SYT3: variants seen among roughly 807,000 people sequenced by gnomAD.
The protein encoded by SYT3 is synaptotagmin-3.
SYT3 carries 25 observed loss-of-function variants against 50.6 expected under a neutral mutation model. That is an observed-to-expected ratio of 0.49 (90% CI 0.36 to 0.69). The LOEUF (loss-of-function observed/expected upper bound fraction) is 0.69. Among genes scored for constraint, SYT3 ranks in the 30% least tolerant of loss-of-function variants. SYT3 has a pLI of 0.00. For missense variants in SYT3, 589 were observed against 793.6 expected (o/e 0.74, Z 3.10); for synonymous variants, 323 against 353.9 (o/e 0.91, Z 0.98).
the SYT3 span, chr19:50,649,600 A>C: frequency 7.4e-7 from 1 of 1,358,870 alleles, no homozygotes. Context: ...GCCTTAAGCG[A>C]GTCACTGGCA....
chr19:50,653,961 G>A, the SYT3 span, among the ~76,000 whole-genome samples: 1 of 152,068 alleles, frequency 6.6e-6, no homozygotes, highest in African/African-American at 2.4e-5. Flanking sequence ...TCGGCTCTGA[G>A]CTGGGAGGGG....
chr19:50,628,692 G>A (rs1984162328), intron 6 of SYT3, among the ~76,000 whole-genome samples: 3 of 152,084 alleles, frequency 2.0e-5, no homozygotes, highest in Admixed American at 6.6e-5. Flanking sequence ...TGAGAGGGGA[G>A]AAGTCATGGG....
At chr19:50,631,474 C>T (rs1192718597) in intron 4 of SYT3, among the ~76,000 whole-genome samples, 1 of 152,096 alleles carries the variant, frequency 6.6e-6, no homozygotes. Context: ...TGAAGTTTTC[C>T]GTTTTTCAAA....
At chr19:50,634,350 G>T (rs549494841) in intron 3 of SYT3, among the ~76,000 whole-genome samples, 12 of 152,340 alleles carry the variant, frequency 7.9e-5, no homozygotes, top group Non-Finnish European at 1.6e-4. Flanking sequence ...TATATTAGGG[G>T]ACACACAGCA....
chr19:50,640,879 G>C (rs1984654699), upstream of SYT3, among the ~76,000 whole-genome samples: 1 of 152,216 alleles, frequency 6.6e-6, no homozygotes, highest in Non-Finnish European at 1.5e-5. Context: ...AGGTGGCTCG[G>C]AGGCCCCCTC....
chr19:50,643,123 C>T (rs923084421), upstream of SYT3, among the ~76,000 whole-genome samples: 4 of 152,126 alleles, frequency 2.6e-5, no homozygotes, highest in African/African-American at 9.7e-5. Context: ...GTAATCCCAG[C>T]ACTTTGGGAG....
At chr19:50,627,137 C>G (rs1410224922) in intron 6 of SYT3, among the ~76,000 whole-genome samples, 1 of 152,222 alleles carries the variant, frequency 6.6e-6, no homozygotes, top group East Asian at 1.9e-4. Context: ...TTTGACCAAC[C>G]TGGCCTAGCC....
At position 50,625,491 on chromosome 19, in the gene SYT3, G is replaced by T. The variant is rs936652611; in HGVS notation, c.1476C>A (p.Asn492Lys). 1 of 1,609,516 alleles carries T rather than the reference G, an allele frequency of 6.2e-7. No individual in the cohort carries two copies. Among genetic ancestry groups the T allele is most frequent in the East Asian group, 2.2e-5 (1 of 44,818 alleles). The change falls in exon 8 of 11, where the codon AAC becomes AAA. Residue 492 changes from asparagine to lysine, a missense_variant. Transcript: ENST00000600079. The surrounding 1 kb of genome is among the most constrained non-coding windows in gnomAD (Gnocchi z 7.5). ...CCTCATTATAGGTGGGGTTCAGCGT[G>T]TTCTTCTTGATGGAGGTTTTCCGCT... ...LKKRKTSIKK[N>K]TLNPTYNEAL... is the part of the protein sequence containing the mutation.
intron 6 of SYT3, among the ~76,000 whole-genome samples, chr19:50,627,374 C>T (rs73592634): frequency 1.1e-4 from 17 of 152,270 alleles, no homozygotes; most frequent in African/African-American, 3.8e-4. Flanking sequence ...CTGGAGCTGC[C>T]GAGGGCTGCC....
chr19:50,647,562 C>T, the SYT3 span, among the ~76,000 whole-genome samples: 1 of 152,120 alleles, frequency 6.6e-6, no homozygotes. Context: ...GGCCTGTGGT[C>T]CCCATTACTC....
In SYT3 at chr19:50,628,926, C is replaced by T. The variant is rs143548289; in HGVS notation, c.1281+368G>A. Among the ~76,000 whole-genome samples, 1,418 of 150,888 alleles carry T rather than the reference C, an allele frequency of 9.4e-3. 28 individuals are homozygous for T. The highest frequency in any genetic ancestry group is 0.032 in the African/African-American group (1,320 of 41,060). ...CACAACCTCCACTTCCTGGTGCAAG[C>T]GATTCTCCTGCCTCATCCTCCTAAG... is the stretch of plus-strand genomic sequence containing the variant. On this transcript the variant is annotated intron_variant, in intron 6 of 10. Coordinates refer to ENST00000600079, the MANE Select transcript of SYT3 (RefSeq NM_001160329.2).
rs747393181 is a variant in SYT3, at chr19:50,625,037, G to A, written c.1707+125C>T. On this transcript the variant is annotated intron_variant, in intron 9 of 10. Transcript: ENST00000600079. This position sits in a 1 kb window ranked among gnomAD's most constrained non-coding sequence, Gnocchi z 7.5. Reference sequence around the variant, plus strand: ...AAGCCGCACAGCTAAAGTTGGCACAGCAGGGATTGAAACCTAGGACGCCTG... The same window carrying A: ...AAGCCGCACAGCTAAAGTTGGCACAACAGGGATTGAAACCTAGGACGCCTG... 2.0e-5 allele frequency: 22 copies of A among 1,088,620 alleles called. No individual in the cohort carries two copies. In the East Asian group the frequency reaches 6.4e-4, roughly 32 times the overall value. The allele number at this position is 1,088,620 out of a possible 1,614,324, so 67.4% of individuals were successfully genotyped here.
the SYT3 span, among the ~76,000 whole-genome samples, chr19:50,657,152 G>A: frequency 9.9e-5 from 15 of 152,110 alleles, no homozygotes; most frequent in African/African-American, 3.6e-4. Flanking sequence ...AAGAGCTGAT[G>A]TCAATAGGTG....
At chr19:50,652,779 C>T in the SYT3 span, among the ~76,000 whole-genome samples, 29 of 152,232 alleles carry the variant, frequency 1.9e-4, no homozygotes, top group Non-Finnish European at 3.7e-4. Context: ...ATGTCAAAAT[C>T]CTGCCTTGCT....
rs1316570189 is a variant in SYT3 at position 50,639,756 on chromosome 19, G to C, written c.-154+34C>G. On this transcript the variant is annotated intron_variant, in intron 1 of 10. Transcript: ENST00000600079. This position sits in a 1 kb window ranked among gnomAD's most constrained non-coding sequence, Gnocchi z 4.6. ...CCCCAGGGATTTGACTGGGGCTGGG[G>C]CTGTGGCAGGAGGAGGGGGAGGAGC... is the stretch of plus-strand genomic sequence containing the variant. 6.4e-6 allele frequency: 1 copy of C among 155,860 alleles called. No individual in the cohort carries two copies. The highest frequency in any genetic ancestry group is 1.4e-5 in the Non-Finnish European group (1 of 70,906). 9.7% of individuals were successfully genotyped at this position (155,860 alleles called of 1,614,324 possible). A position where few individuals can be genotyped will look rare whatever the true frequency, so the allele number is the denominator to read the frequency against.
chr19:50,651,212 C>T, the SYT3 span, among the ~76,000 whole-genome samples: 2 of 152,148 alleles, frequency 1.3e-5, no homozygotes, highest in East Asian at 1.9e-4. Flanking sequence ...TGGCAATAAG[C>T]GCTCTTTAGT....
the SYT3 span, among the ~76,000 whole-genome samples, chr19:50,646,681 G>A: frequency 2.6e-5 from 4 of 152,050 alleles, no homozygotes; most frequent in African/African-American, 7.2e-5. Context: ...GGAGGAGAGG[G>A]CACTTGAGCT....
the SYT3 span, chr19:50,656,237 T>C: frequency 2.0e-6 from 3 of 1,536,096 alleles, no homozygotes; most frequent in Non-Finnish European, 2.6e-6. Flanking sequence ...AAGCAGTACC[T>C]GCGGCAGGTC....
At chr19:50,652,750 G>C in the SYT3 span, among the ~76,000 whole-genome samples, 22 of 152,170 alleles carry the variant, frequency 1.4e-4, no homozygotes, top group Admixed American at 7.9e-4. Context: ...TGAGGAAGGG[G>C]CCATAGGGTC....
Sources: gnomAD v4.1 joint callset for allele counts (sites outside exome capture counted in the v4.1 genomes callset) on GRCh38, gnomAD v4.1.1 for gene constraint, Gnocchi (gnomAD v3.1) non-coding constraint, MANE v1.5 for transcripts, NCBI Gene and HGNC (gene_info 2026-07-23, HGNC 2026-07-21) for gene names.